Variants in ACTN4 observed in about 807,000 individuals in gnomAD.
The protein encoded by ACTN4 is alpha-actinin-4.
A neutral mutation model predicts 114.2 loss-of-function variants in ACTN4; 18 were observed. The observed-to-expected ratio is 0.16, with a 90% confidence interval of 0.11 to 0.23. The LOEUF is 0.23. Among genes scored for constraint, ACTN4 ranks in the 10% least tolerant of loss-of-function variants. The pLI is 1.00. For synonymous variants in ACTN4, 515 were observed against 506.3 expected (o/e 1.02, Z -0.23); for missense variants, 722 against 1,262.9 (o/e 0.57, Z 6.49).
intron 1 of ACTN4, among the ~76,000 whole-genome samples, chr19:38,683,678 C>T (rs1356283151): frequency 6.6e-6 from 1 of 152,202 alleles, no homozygotes; most frequent in Non-Finnish European, 1.5e-5. Context: ...CTGTGCAGTC[C>T]GGGAACCGAT....
At chr19:38,679,643 G>C (rs2144916303) in intron 1 of ACTN4, among the ~76,000 whole-genome samples, 1 of 151,224 alleles carries the variant, frequency 6.6e-6, no homozygotes. Flanking sequence ...CCAGGCTGGA[G>C]TACAGTGGTG....
At chr19:38,711,812 A>T (rs974886486) in intron 8 of ACTN4, among the ~76,000 whole-genome samples, 2 of 152,198 alleles carry the variant, frequency 1.3e-5, no homozygotes, top group African/African-American at 2.4e-5. Flanking sequence ...AAGGCTCAGC[A>T]TGTGCAGCCC....
chr19:38,679,498 G>A (rs527350763), intron 1 of ACTN4, among the ~76,000 whole-genome samples: 1 of 151,906 alleles, frequency 6.6e-6, no homozygotes. Context: ...TGCCAGACTT[G>A]TTTCATCAGT....
At chr19:38,661,895 G>A (rs927072695) in intron 1 of ACTN4, among the ~76,000 whole-genome samples, 5 of 152,048 alleles carry the variant, frequency 3.3e-5, no homozygotes, top group Admixed American at 1.3e-4. Context: ...CTCGTTATCC[G>A]CCCGCCTCGG....
rs566375638 is a variant in ACTN4 at position 38,689,705 on chromosome 19, G to A, written c.163-10895G>A. Among the ~76,000 whole-genome samples, 22 of 150,560 alleles carry A rather than the reference G, an allele frequency of 1.5e-4. No homozygotes were observed. In the South Asian group the frequency reaches 4.2e-3, roughly 29 times the overall value. The stretch of plus-strand genomic sequence containing the variant: ...TTCTTTTTCTTTGAGATGGAGTCTC[G>A]CTCTGTTGCCCAGGCTGGAGTGCAG... On this transcript the variant is annotated intron_variant, in intron 1 of 20. Transcript: ENST00000252699.
At chr19:38,688,969 T>C (rs549369352) in intron 1 of ACTN4, among the ~76,000 whole-genome samples, 4 of 152,192 alleles carry the variant, frequency 2.6e-5, no homozygotes, top group Admixed American at 2.6e-4. Context: ...AGGCTGGTCT[T>C]GTCTCAGCCT....
Position 38,725,140 on chromosome 19 carries a change from C to G in ACTN4, c.2010+575C>G, listed in dbSNP as rs530372407. Among the ~76,000 whole-genome samples the G allele has an allele frequency of 7.2e-5, 11 of 152,350 alleles. No homozygotes were observed. The South Asian group carries it at 2.1e-3, about 29-fold the overall frequency. On this transcript the variant is annotated intron_variant, in intron 16 of 20. Coordinates refer to ENST00000252699, the MANE Select transcript of ACTN4 (RefSeq NM_004924.6). The stretch of plus-strand genomic sequence containing the variant: ...AACCAGCCACATGAGTGCTGTCATT[C>G]TTACAGCAGTTCTGACCACCACTCA...
rs911276632 is a variant in ACTN4 at position 38,727,524 on chromosome 19, G to A, written c.2337+421G>A. 2.6e-5 allele frequency among the ~76,000 whole-genome samples: 4 copies of A among 151,518 alleles called. No individual in the cohort carries two copies. The highest frequency in any genetic ancestry group is 6.6e-5 in the Admixed American group (1 of 15,250). On this transcript the variant is annotated intron_variant, in intron 18 of 20. Coordinates refer to ENST00000252699, the MANE Select transcript of ACTN4 (RefSeq NM_004924.6). The surrounding 1 kb of genome is among the most constrained non-coding windows in gnomAD (Gnocchi z 5.4). ...CTGCCATCCCCAGCCCACCCCTGCCGGGCTGACGGACTGAGAAGTGTGCAG... is the reference window on the plus strand; with the variant it reads ...CTGCCATCCCCAGCCCACCCCTGCCAGGCTGACGGACTGAGAAGTGTGCAG...
chr19:38,723,600 TGCCCG>T lies in ACTN4; in HGVS notation c.1443-8_1443-4del. On this transcript the variant is annotated splice_polypyrimidine_tract_variant and intron_variant, in intron 12 of 20. Transcript: ENST00000252699. ...GCCCTTGCCGAGTCTCATTGCTCTCTGCCCGGCCCGCAGCGAGCTGGATTACTACG... is the reference window on the plus strand; with the variant it reads ...GCCCTTGCCGAGTCTCATTGCTCTCTGCCCGCAGCGAGCTGGATTACTACG... The T allele has an allele frequency of 6.3e-7, 1 of 1,592,884 alleles. No homozygotes were observed. Among genetic ancestry groups the T allele is most frequent in the Non-Finnish European group, 8.6e-7 (1 of 1,166,498 alleles).
chr19:38,667,862 C>G (rs1482259581), intron 1 of ACTN4, among the ~76,000 whole-genome samples: 1 of 152,148 alleles, frequency 6.6e-6, no homozygotes, highest in Non-Finnish European at 1.5e-5. Context: ...GGCTGGAAGT[C>G]TAAGAGGTAT....
At chr19:38,679,313 A>G (rs1967474521) in intron 1 of ACTN4, among the ~76,000 whole-genome samples, 1 of 151,914 alleles carries the variant, frequency 6.6e-6, no homozygotes, top group Admixed American at 6.5e-5. Context: ...ATGGTGTACC[A>G]TGCACCTCCA....
chr19:38,678,320 G>A (rs1213713856), intron 1 of ACTN4, among the ~76,000 whole-genome samples: 2 of 152,060 alleles, frequency 1.3e-5, no homozygotes, highest in Admixed American at 6.5e-5. Flanking sequence ...AACTTACATC[G>A]TGAAAGCGAC....
intron 1 of ACTN4, among the ~76,000 whole-genome samples, chr19:38,664,126 T>C (rs1976978711): frequency 1.3e-5 from 2 of 152,224 alleles, no homozygotes; most frequent in African/African-American, 4.8e-5. Context: ...ACAGCTCCTC[T>C]GTTGCCCTGC....
chr19:38,714,370 A>C, intron 8 of ACTN4, 99 bp from the exon 9 acceptor site: 1 of 1,051,310 alleles, frequency 9.5e-7, no homozygotes, highest in Non-Finnish European at 1.4e-6. Context: ...CTCTGTGAGG[A>C]GTTCCGTGGG....
Position 38,647,765 on chromosome 19 carries a change from C to T in ACTN4, c.20C>T (p.Ala7Val). Residue 7 changes from alanine (A) to valine (V), a missense_variant, in exon 1 of 21, where the codon GCG (alanine) becomes GTG (valine). Transcript: ENST00000252699. ...GGCGGAATGGTGGACTACCACGCGG[C>T]GAACCAGTCGTACCAGTACGGCCCC... MVDYHA[A>V]NQSYQYGPSS... 1 of 1,551,154 alleles carries T rather than the reference C, an allele frequency of 6.4e-7. No homozygotes were observed. The highest frequency in any genetic ancestry group is 8.7e-7 in the Non-Finnish European group (1 of 1,150,552).
intron 19 of ACTN4, among the ~76,000 whole-genome samples, chr19:38,728,700 G>C (rs1477601525): frequency 6.6e-6 from 1 of 152,202 alleles, no homozygotes; most frequent in African/African-American, 2.4e-5. Context: ...TCGTGAGCCT[G>C]GGCTGAGGGC....
In ACTN4 at chr19:38,708,208, A is replaced by C; in HGVS notation, c.651+13A>C. The C allele has an allele frequency of 6.2e-7, 1 of 1,613,902 alleles. No homozygotes were observed. Among genetic ancestry groups the C allele is most frequent in the African/African-American group, 1.3e-5 (1 of 75,022 alleles). ...CAAGCTGAGGAAGGTGAGTGTCTCCAGCTCCCCTTGATGGCCCACAGACGT... is the reference window on the plus strand; with the variant it reads ...CAAGCTGAGGAAGGTGAGTGTCTCCCGCTCCCCTTGATGGCCCACAGACGT... On this transcript the variant is annotated intron_variant, in intron 6 of 20. Coordinates refer to ENST00000252699, the MANE Select transcript of ACTN4 (RefSeq NM_004924.6).
intron 1 of ACTN4, among the ~76,000 whole-genome samples, chr19:38,664,745 C>A (rs1410504822): frequency 6.6e-6 from 1 of 152,168 alleles, no homozygotes; most frequent in Non-Finnish European, 1.5e-5. Context: ...CTGGTTAAGA[C>A]TTCCGGGGAG....
chr19:38,726,866 C>T (rs759324369), intron 17 of ACTN4, 91 bp from the exon 18 acceptor site: 41 of 1,564,044 alleles, frequency 2.6e-5, no homozygotes, highest in East Asian at 4.7e-5. Flanking sequence ...TTCCCCAGGG[C>T]GGGAGGACAG....
Sources: gnomAD v4.1 joint callset for allele counts (sites outside exome capture counted in the v4.1 genomes callset) on GRCh38, gnomAD v4.1.1 for gene constraint, Gnocchi (gnomAD v3.1) non-coding constraint, MANE v1.5 for transcripts, NCBI Gene and HGNC (gene_info 2026-07-23, HGNC 2026-07-21) for gene names.